The following CCM2 variants were observed in gnomAD, a reference collection of about 807,000 sequenced individuals.
CCM2 encodes the protein CCM2 scaffold protein, also known as cerebral cavernous malformations 2 protein.
CCM2 carries 25 observed loss-of-function variants against 44.9 expected under a neutral mutation model. The observed-to-expected ratio is 0.56, with a 90% CI of 0.41 to 0.78. The LOEUF (loss-of-function observed/expected upper bound fraction) is 0.78, where lower values mean the gene tolerates loss of function less well. CCM2 is among the 30% of genes least tolerant of loss of function. The pLI, the probability that CCM2 is intolerant of heterozygous loss-of-function variation, is 0.00. For missense variants in CCM2, 481 were observed against 580.6 expected (o/e 0.83, Z 1.76); for synonymous variants, 219 against 241.1 (o/e 0.91, Z 0.85).
chr7:45,041,432 G>A (rs191697385), intron 2 of CCM2, among the ~76,000 whole-genome samples: 23 of 152,278 alleles, frequency 1.5e-4, no homozygotes, highest in South Asian at 4.1e-4. Context: ...AGACCACCCA[G>A]GACCCAGAAA....
intron 2 of CCM2, among the ~76,000 whole-genome samples, chr7:45,051,171 G>A (rs1353297068): frequency 3.3e-5 from 5 of 152,078 alleles, no homozygotes; most frequent in Admixed American, 3.3e-4. Context: ...GAGGCATTTG[G>A]TCATGATTTC....
At chr7:45,021,616 A>G (rs1176808056) in intron 1 of CCM2, among the ~76,000 whole-genome samples, 1 of 152,082 alleles carries the variant, frequency 6.6e-6, no homozygotes, top group Admixed American at 6.6e-5. Context: ...CTATGCATCA[A>G]GCACCATCTC....
intron 1 of CCM2, among the ~76,000 whole-genome samples, chr7:45,012,330 T>G (rs1796098527): frequency 6.6e-6 from 1 of 151,014 alleles, no homozygotes; most frequent in Non-Finnish European, 1.5e-5. Flanking sequence ...GACGGGGTTT[T>G]GCCATGTTAG....
chr7:45,058,127 CAGAG>C (rs1345305967), intron 2 of CCM2, among the ~76,000 whole-genome samples: 1 of 152,242 alleles, frequency 6.6e-6, no homozygotes, highest in Non-Finnish European at 1.5e-5. Flanking sequence ...GGTTCCCAGT[CAGAG>C]AGGTCATCTG....
intron 2 of CCM2, among the ~76,000 whole-genome samples, chr7:45,054,287 A>AG (rs1235097891): frequency 3.3e-5 from 5 of 152,124 alleles, no homozygotes; most frequent in Non-Finnish European, 7.4e-5. Flanking sequence ...GTACAACAAA[A>AG]GGGGATAGGT....
At chr7:45,008,957 G>A (rs1477370435) in intron 1 of CCM2, among the ~76,000 whole-genome samples, 1 of 152,052 alleles carries the variant, frequency 6.6e-6, no homozygotes, top group Admixed American at 6.6e-5. Context: ...GGTATGTGCA[G>A]CCTCCGTGTT....
At chr7:45,030,284 A>G (rs966977571) in intron 1 of CCM2, among the ~76,000 whole-genome samples, 2 of 152,220 alleles carry the variant, frequency 1.3e-5, no homozygotes, top group Non-Finnish European at 2.9e-5. Flanking sequence ...ATACTCAATC[A>G]AATACATGTT....
intron 1 of CCM2, among the ~76,000 whole-genome samples, chr7:45,004,483 A>G (rs559060639): frequency 6.6e-4 from 101 of 152,298 alleles, no homozygotes; most frequent in African/African-American, 2.2e-3. Flanking sequence ...CAGGCCCTGA[A>G]CTATCAGCTG....
At chr7:45,042,583 T>C (rs1797564571) in intron 2 of CCM2, among the ~76,000 whole-genome samples, 1 of 152,194 alleles carries the variant, frequency 6.6e-6, no homozygotes, top group African/African-American at 2.4e-5. Context: ...AGCAGATTTC[T>C]TGTTACACAT....
chr7:45,001,041 A>G (rs776526613), intron 1 of CCM2, among the ~76,000 whole-genome samples: 1 of 152,274 alleles, frequency 6.6e-6, no homozygotes, highest in Non-Finnish European at 1.5e-5. Context: ...TATCTTTTTC[A>G]AATAAATGCT....
At chr7:45,038,171 G>C in intron 1 of CCM2, 82 bp from the exon 2 acceptor site, 1 of 1,547,722 alleles carries the variant, frequency 6.5e-7, no homozygotes, top group African/African-American at 1.4e-5. Context: ...AGTAGTTTTG[G>C]CTACTTCTGT....
chr7:45,000,471 G>A (rs1343535970), intron 1 of CCM2, 108 bp downstream of exon 1: 3 of 220,206 alleles, frequency 1.4e-5, no homozygotes, highest in Non-Finnish European at 2.2e-5. Context: ...GGGGGCAGTG[G>A]GCCAGCTGGC....
chr7:45,073,319 C>T (rs1295368664), intron 7 of CCM2, 141 bp from the exon 8 acceptor site: 6 of 681,348 alleles, frequency 8.8e-6, no homozygotes, highest in Non-Finnish European at 1.6e-5. Flanking sequence ...GTCAGCTCTC[C>T]TCTCATCATC....
chr7:45,056,431 G>A (rs1798264778), intron 2 of CCM2, among the ~76,000 whole-genome samples: 2 of 152,118 alleles, frequency 1.3e-5, no homozygotes, highest in African/African-American at 4.8e-5. Context: ...GAGGCAGGAG[G>A]ATCAATTGAG....
At chr7:45,059,388 G>C (rs1231081770) in intron 2 of CCM2, among the ~76,000 whole-genome samples, 2 of 149,918 alleles carry the variant, frequency 1.3e-5, no homozygotes, top group Admixed American at 1.3e-4. Context: ...TTTGAGACTA[G>C]CCTAGGCAAT....
At chr7:45,071,190 TA>T (rs1799054055) in intron 6 of CCM2, 1 of 152,486 alleles carries the variant, frequency 6.6e-6, no homozygotes, top group African/African-American at 2.4e-5. Context: ...GAATGTACCA[TA>T]TGAGTAGCAG....
At chr7:45,005,524 C>T (rs1159135700) in intron 1 of CCM2, among the ~76,000 whole-genome samples, 1 of 138,110 alleles carries the variant, frequency 7.2e-6, no homozygotes, top group African/African-American at 2.8e-5. Flanking sequence ...TTTTCATTTC[C>T]GTCAGCAGTG....
chr7:45,014,622 CT>C (rs34116061), intron 1 of CCM2, among the ~76,000 whole-genome samples: 279 of 123,976 alleles, frequency 2.3e-3, no homozygotes, highest in African/African-American at 5.7e-3. Flanking sequence ...CAGTCTTAAC[CT>C]TTTTTTTTTT....
At chr7:45,036,079 G>A (rs1056558259) in intron 1 of CCM2, among the ~76,000 whole-genome samples, 3 of 152,108 alleles carry the variant, frequency 2.0e-5, no homozygotes, top group African/African-American at 7.2e-5. Flanking sequence ...AATGCATGCC[G>A]GAGCAGAGAT....
Sources: gnomAD v4.1 joint callset for allele counts (sites outside exome capture counted in the v4.1 genomes callset) on GRCh38, gnomAD v4.1.1 for gene constraint, MANE v1.5 for transcripts, NCBI Gene and HGNC (gene_info 2026-07-23, HGNC 2026-07-21) for gene names.